FAM222B: variants seen among roughly 807,000 people sequenced by gnomAD.
FAM222B encodes the protein family with sequence similarity 222 member B, also known as protein FAM222B.
FAM222B carries 12 observed loss-of-function variants against 38.0 expected under a neutral mutation model. That is an observed-to-expected ratio of 0.32 (90% CI 0.20 to 0.51). The LOEUF is 0.51. FAM222B is among the 20% of genes least tolerant of loss of function. The pLI is 0.97. For missense variants in FAM222B, 716 were observed against 754.2 expected (o/e 0.95, Z 0.59); for synonymous variants, 329 against 317.2 (o/e 1.04, Z -0.40).
chr17:28,813,022 CGGGGGGGGGGGGG>C (rs71359255), intron 1 of FAM222B, among the ~76,000 whole-genome samples: 1 of 896 alleles, frequency 1.1e-3, no homozygotes, highest in Admixed American at 8.3e-3. Flanking sequence ...AGAAATTAAG[CGGGGGGGGGGGGG>C]GGGGGGAGGG....
intron 1 of FAM222B, among the ~76,000 whole-genome samples, chr17:28,823,732 T>C (rs9898892): frequency 0.19 from 28,615 of 152,062 alleles, 2,834 homozygotes; most frequent in South Asian, 0.3. Context: ...GATGACCTCC[T>C]GATTAAATAC....
chr17:28,790,849 A>ACTTACAACT (rs1046570068), intron 1 of FAM222B, among the ~76,000 whole-genome samples: 38 of 137,438 alleles, frequency 2.8e-4, no homozygotes, highest in African/African-American at 9.2e-4. Context: ...TTTCTAGCAT[A>ACTTACAACT]CTTACAACTG....
chr17:28,803,237 A>T (rs940913433), intron 1 of FAM222B, among the ~76,000 whole-genome samples: 3 of 152,024 alleles, frequency 2.0e-5, no homozygotes, highest in African/African-American at 7.3e-5. Context: ...CGAATGCCTG[A>T]CTTCAAGTGA....
chr17:28,771,237 T>C (rs888378703), intron 1 of FAM222B, among the ~76,000 whole-genome samples: 2 of 152,164 alleles, frequency 1.3e-5, no homozygotes, highest in Non-Finnish European at 2.9e-5. Context: ...GGAATATTAC[T>C]TTTTACGATT....
At chr17:28,838,261 C>T (rs527852687) in intron 1 of FAM222B, among the ~76,000 whole-genome samples, 2 of 151,756 alleles carry the variant, frequency 1.3e-5, no homozygotes, top group African/African-American at 2.4e-5. Flanking sequence ...CCAGTCTGGG[C>T]GACAGAGTGA....
At chr17:28,853,189 G>A (rs1198286325) in intron 1 of FAM222B, among the ~76,000 whole-genome samples, 2 of 126,290 alleles carry the variant, frequency 1.6e-5, no homozygotes, top group African/African-American at 6.1e-5. Flanking sequence ...GTGAAACTCT[G>A]TCTCAAAAAA....
chr17:28,766,989 TATA>T lies in FAM222B; in HGVS notation c.-40-285_-40-283del, dbSNP rs1216574208. On this transcript the variant is annotated intron_variant, in intron 1 of 2. Coordinates refer to ENST00000581407, the MANE Select transcript of FAM222B (RefSeq NM_001077498.3). ...TACAACTGGAAAGTACAGGTGCATT[TATA>T]ATGTCTCAGTATTCCTGAGGAGAGT... 18 of 291,806 alleles carry T rather than the reference TATA, an allele frequency of 6.2e-5. No homozygotes were observed. The East Asian group carries it at 1.4e-3, about 23-fold the overall frequency. 18.1% of individuals were successfully genotyped at this position (291,806 alleles called of 1,614,324 possible). A position where few individuals can be genotyped will look rare whatever the true frequency, so the allele number is the denominator to read the frequency against.
chr17:28,760,326 G>C (rs2035011588), intron 2 of FAM222B, among the ~76,000 whole-genome samples: 1 of 152,138 alleles, frequency 6.6e-6, no homozygotes, highest in Non-Finnish European at 1.5e-5. Context: ...GTAAATCCCA[G>C]CATTTTGGGA....
At chr17:28,853,567 G>A (rs560785121) in intron 1 of FAM222B, among the ~76,000 whole-genome samples, 6 of 152,116 alleles carry the variant, frequency 3.9e-5, no homozygotes, top group Non-Finnish European at 5.9e-5. Context: ...CTAATACAAT[G>A]TAAGTGCTAT....
At chr17:28,770,715 C>A (rs908708281) in intron 1 of FAM222B, among the ~76,000 whole-genome samples, 1 of 151,962 alleles carries the variant, frequency 6.6e-6, no homozygotes, top group Non-Finnish European at 1.5e-5. Flanking sequence ...GGACTACAGG[C>A]GCCCGCCATC....
Position 28,758,891 on chromosome 17 carries a change from G to C in FAM222B, c.1068C>G (p.Tyr356Ter), listed in dbSNP as rs759188442. 1 of 1,609,030 alleles carries C rather than the reference G, an allele frequency of 6.2e-7. No homozygotes were observed. Residue 356 changes from tyrosine to a stop codon, truncating the protein, a stop_gained, in exon 3 of 3, where the codon TAC (tyrosine) becomes TAG (stop). Transcript: ENST00000581407. LOFTEE classifies it high-confidence loss of function. The stretch of plus-strand genomic sequence containing the variant: ...AGGTGACTGGCTTGAGGTCGCTAGG[G>C]TAGCCAGTGGGGACGCGAGAGATGC... The part of the protein sequence containing the change: ...PTGISRVPTG[Y>*]PSDLKPVTWN...
At chr17:28,828,904 CTTTT>C (rs879920718) in intron 1 of FAM222B, among the ~76,000 whole-genome samples, 4 of 144,504 alleles carry the variant, frequency 2.8e-5, no homozygotes, top group African/African-American at 1.0e-4. Flanking sequence ...CAACTCTCTA[CTTTT>C]TTTTTTTTTT....
At chr17:28,844,010 C>T (rs1313988533), upstream of FAM222B, among the ~76,000 whole-genome samples, 1 of 152,164 alleles carries the variant, frequency 6.6e-6, no homozygotes, top group Non-Finnish European at 1.5e-5. Flanking sequence ...AAATAGTCCC[C>T]TGCTTTCCAG....
chr17:28,819,677 G>T (rs903674681), intron 1 of FAM222B, among the ~76,000 whole-genome samples: 3 of 152,056 alleles, frequency 2.0e-5, no homozygotes, highest in African/African-American at 7.2e-5. Flanking sequence ...ACTAAAATAT[G>T]AATATAAAAT....
At chr17:28,770,359 C>G (rs1387969344) in intron 1 of FAM222B, among the ~76,000 whole-genome samples, 1 of 152,160 alleles carries the variant, frequency 6.6e-6, no homozygotes, top group Admixed American at 6.5e-5. Flanking sequence ...GGACTGAAAC[C>G]TAGATTTGAC....
At chr17:28,852,597 T>C (rs991360150) in intron 1 of FAM222B, among the ~76,000 whole-genome samples, 1 of 151,130 alleles carries the variant, frequency 6.6e-6, no homozygotes, top group Non-Finnish European at 1.5e-5. Context: ...GATTCAACCA[T>C]TGCACTCCAG....
chr17:28,809,310 G>GC (rs1292792272), intron 1 of FAM222B, among the ~76,000 whole-genome samples: 2 of 149,238 alleles, frequency 1.3e-5, no homozygotes, highest in Non-Finnish European at 1.5e-5. Context: ...GAGAGATTGT[G>GC]CCACTGCATT....
intron 1 of FAM222B, among the ~76,000 whole-genome samples, chr17:28,827,136 C>T (rs1402363636): frequency 6.6e-6 from 1 of 151,796 alleles, no homozygotes; most frequent in Non-Finnish European, 1.5e-5. Flanking sequence ...GAGAATTAAA[C>T]TCTGTCTCAA....
intron 1 of FAM222B, among the ~76,000 whole-genome samples, chr17:28,830,990 CTTTTTTT>C (rs56073818): frequency 0.39 from 46,020 of 118,086 alleles, 8,066 homozygotes; most frequent in East Asian, 0.53. Context: ...GTGAATGTTT[CTTTTTTT>C]TTTTTTTTTT....
Sources: allele counts gnomAD v4.1 joint callset (sites outside exome capture counted in the v4.1 genomes callset), GRCh38; gene constraint gnomAD v4.1.1; transcripts MANE v1.5; gene names NCBI Gene and HGNC (gene_info 2026-07-23, HGNC 2026-07-21).